OR2L13: variants seen among roughly 807,000 people sequenced by gnomAD.
OR2L13 encodes olfactory receptor family 2 subfamily L member 13, also known as olfactory receptor 2L13.
In OR2L13, 14 loss-of-function variants were observed where a neutral mutation model predicts 15.3. The ratio of observed to expected loss-of-function variants is 0.91; its 90% confidence interval spans 0.60 to 1.43. The LOEUF (loss-of-function observed/expected upper bound fraction) is 1.43. Among genes scored for constraint, OR2L13 ranks in the 40% most tolerant of loss-of-function variants. OR2L13 has a pLI of 0.00. For missense variants in OR2L13, 367 were observed against 387.9 expected, an observed-to-expected ratio of 0.95 and a Z score of 0.45; for synonymous variants, 152 against 142.9, an observed-to-expected ratio of 1.06 and a Z score of -0.45.
upstream of OR2L13, among the ~76,000 whole-genome samples, chr1:248,091,274 G>A (rs1348415288): frequency 2.6e-5 from 4 of 151,656 alleles, no homozygotes; most frequent in Non-Finnish European, 5.9e-5. Context: ...CTATGCAAGA[G>A]CTCTTTAATT....
the OR2L13 span, among the ~76,000 whole-genome samples, chr1:248,053,015 G>A: frequency 6.6e-6 from 1 of 151,884 alleles, no homozygotes; most frequent in Non-Finnish European, 1.5e-5. Context: ...ATGGGTAAAC[G>A]TGTGCCATGG....
At chr1:247,950,304 A>C in the OR2L13 span, among the ~76,000 whole-genome samples, 1 of 152,304 alleles carries the variant, frequency 6.6e-6, no homozygotes, top group Non-Finnish European at 1.5e-5. Context: ...GAGATTTAGC[A>C]GAAGGCTCAT....
chr1:248,073,614 C>T, the OR2L13 span, among the ~76,000 whole-genome samples: 3 of 149,866 alleles, frequency 2.0e-5, no homozygotes, highest in African/African-American at 7.4e-5. Context: ...TACCCTAAAA[C>T]TTAAAGTGTA....
chr1:247,994,061 AACC>A, the OR2L13 span, among the ~76,000 whole-genome samples: 1 of 152,152 alleles, frequency 6.6e-6, no homozygotes, highest in Non-Finnish European at 1.5e-5. Flanking sequence ...GGAGAATCCC[AACC>A]ACAATTGATT....
the OR2L13 span, among the ~76,000 whole-genome samples, chr1:248,017,570 C>T: frequency 6.6e-6 from 1 of 152,164 alleles, no homozygotes; most frequent in East Asian, 1.9e-4. Context: ...CAGGCTTCTG[C>T]CTTATTGGGA....
chr1:248,073,517 C>A, the OR2L13 span, among the ~76,000 whole-genome samples: 3 of 151,792 alleles, frequency 2.0e-5, no homozygotes, highest in African/African-American at 7.3e-5. Context: ...AGGAGATATA[C>A]CTAATGCTAA....
At chr1:247,945,832 T>C in the OR2L13 span, among the ~76,000 whole-genome samples, 1 of 152,164 alleles carries the variant, frequency 6.6e-6, no homozygotes, top group Admixed American at 6.5e-5. Flanking sequence ...GCTTTTTCCT[T>C]CTTTCCATTC....
At chr1:247,974,959 T>G in the OR2L13 span, 1 of 291,602 alleles carries the variant, frequency 3.4e-6, no homozygotes, top group African/African-American at 2.3e-5. Context: ...CTAAATTACA[T>G]CTCCACTATT....
chr1:247,953,685 G>A, the OR2L13 span, among the ~76,000 whole-genome samples: 2 of 152,150 alleles, frequency 1.3e-5, no homozygotes, highest in Non-Finnish European at 2.9e-5. Flanking sequence ...TATCTGACCT[G>A]TCTTTTTTGG....
chr1:248,094,073 A>G (rs75604612), upstream of OR2L13, among the ~76,000 whole-genome samples: 3,122 of 152,252 alleles, frequency 0.021, 109 homozygotes, highest in African/African-American at 0.071. Context: ...GAATTGGAAC[A>G]TTTCTAACAG....
At chr1:247,949,762 G>A in the OR2L13 span, 4 of 1,612,058 alleles carry the variant, frequency 2.5e-6, no homozygotes, top group Admixed American at 5.0e-5. Context: ...GCCCTGACAC[G>A]AGTGAGTCAG....
exon 3 of OR2L13, chr1:248,100,743 T>C (rs1269022034): frequency 5.9e-6 from 1 of 168,372 alleles, no homozygotes; most frequent in Non-Finnish European, 1.4e-5. Flanking sequence ...ACATTTCAAG[T>C]GCCCAGTAGT....
At chr1:248,033,895 G>T in the OR2L13 span, among the ~76,000 whole-genome samples, 1 of 152,158 alleles carries the variant, frequency 6.6e-6, no homozygotes, top group African/African-American at 2.4e-5. Context: ...GTCAGAAAGA[G>T]AATGAAATAA....
the OR2L13 span, among the ~76,000 whole-genome samples, chr1:247,999,387 T>C: frequency 6.6e-6 from 1 of 152,152 alleles, no homozygotes; most frequent in Middle Eastern, 3.2e-3. Flanking sequence ...GATGCACTAT[T>C]GTGGGCCTCA....
the OR2L13 span, chr1:248,038,730 T>G: frequency 6.2e-7 from 1 of 1,614,204 alleles, no homozygotes; most frequent in Non-Finnish European, 8.5e-7. Flanking sequence ...CTCTATCAAC[T>G]CTTGTGCTCA....
At chr1:248,074,408 C>T in the OR2L13 span, among the ~76,000 whole-genome samples, 1 of 151,496 alleles carries the variant, frequency 6.6e-6, no homozygotes, top group East Asian at 1.9e-4. Context: ...GTCAAATTAT[C>T]TTTCTTCATT....
At chr1:247,963,615 T>C in the OR2L13 span, among the ~76,000 whole-genome samples, 1 of 152,224 alleles carries the variant, frequency 6.6e-6, no homozygotes, top group Non-Finnish European at 1.5e-5. Flanking sequence ...CTTTTTCTTA[T>C]GTCTATGTTT....
chr1:248,044,141 C>T, the OR2L13 span, among the ~76,000 whole-genome samples: 3 of 152,258 alleles, frequency 2.0e-5, no homozygotes, highest in East Asian at 5.8e-4. Context: ...CATTTTCCAG[C>T]CCTCACTCAA....
upstream of OR2L13, among the ~76,000 whole-genome samples, chr1:248,091,785 T>C (rs1306039523): frequency 6.6e-6 from 1 of 152,192 alleles, no homozygotes; most frequent in Non-Finnish European, 1.5e-5. Flanking sequence ...TTTATTTTTA[T>C]TCCATATGAA....
Sources: gnomAD v4.1 joint callset for allele counts (sites outside exome capture counted in the v4.1 genomes callset) on GRCh38, gnomAD v4.1.1 for gene constraint, MANE v1.5 for transcripts, NCBI Gene and HGNC (gene_info 2026-07-23, HGNC 2026-07-21) for gene names.